Variants in PTPRO observed in about 807,000 individuals in gnomAD.
PTPRO encodes receptor-type tyrosine-protein phosphatase O.
In PTPRO, 62 loss-of-function variants were observed where a neutral mutation model predicts 145.2. That is an observed-to-expected ratio of 0.43 (90% CI 0.35 to 0.53). The LOEUF is 0.53. Ranked by LOEUF, PTPRO falls within the 20% of genes least tolerant of loss-of-function variation. The pLI is 0.01. For synonymous variants in PTPRO, 565 were observed against 514.7 expected, an observed-to-expected ratio of 1.10 and a Z score of -1.32; for missense variants, 1,345 against 1,482.7, an observed-to-expected ratio of 0.91 and a Z score of 1.53.
intron 9 of PTPRO, among the ~76,000 whole-genome samples, chr12:15,518,605 C>T (rs1188646451): frequency 6.6e-6 from 1 of 152,192 alleles, no homozygotes; most frequent in African/African-American, 2.4e-5. Context: ...AACTGAATGC[C>T]TTTAACAGCA....
intron 1 of PTPRO, among the ~76,000 whole-genome samples, chr12:15,462,591 T>C (rs1189715960): frequency 6.6e-6 from 1 of 152,234 alleles, no homozygotes; most frequent in East Asian, 1.9e-4. Context: ...ACAATCATGT[T>C]CTTGTAGATA....
At chr12:15,485,884 T>C (rs1286573098) in intron 2 of PTPRO, among the ~76,000 whole-genome samples, 1 of 152,192 alleles carries the variant, frequency 6.6e-6, no homozygotes, top group Non-Finnish European at 1.5e-5. Flanking sequence ...TTTGCAGACA[T>C]CTTTTTTCAC....
At chr12:15,517,008 T>G in intron 9 of PTPRO, 52 bp downstream of exon 9, 1 of 1,447,228 alleles carries the variant, frequency 6.9e-7, no homozygotes, top group Non-Finnish European at 9.7e-7. Context: ...CAGGCAAACC[T>G]TTATGTACCA....
intron 8 of PTPRO, 35 bp from the exon 9 acceptor site, chr12:15,516,728 C>CT: frequency 6.5e-7 from 1 of 1,547,770 alleles, no homozygotes; most frequent in Non-Finnish European, 8.9e-7. Context: ...TCCTTCTTAA[C>CT]TTTCTTTTTC....
chr12:15,545,882 A>T (rs1183427309), intron 12 of PTPRO, among the ~76,000 whole-genome samples: 1 of 151,962 alleles, frequency 6.6e-6, no homozygotes, highest in Non-Finnish European at 1.5e-5. Context: ...AAAAATGCAA[A>T]AATAAGCCAG....
At chr12:15,463,026 A>G (rs1431194625) in intron 1 of PTPRO, among the ~76,000 whole-genome samples, 3 of 152,164 alleles carry the variant, frequency 2.0e-5, no homozygotes, top group Admixed American at 2.0e-4. Flanking sequence ...TTATGCACCA[A>G]TATATTTGCA....
rs755499017 is a variant in PTPRO, at chr12:15,569,420, G to A, written c.2751G>A (p.Pro917=). Residue 917 remains proline (P), a synonymous_variant, in exon 19 of 27, where the codon CCG becomes CCA. Transcript: ENST00000281171. ...TATTTCTTTGTGTTTGGCAAAGCCC[G>A]GTTCAACTGGATGACTTTGATGCCT... ...NGLKKRKLTN[P]VQLDDFDAYI... is the part of the protein sequence containing the mutation. 141 of 1,612,132 alleles carry A rather than the reference G, an allele frequency of 8.7e-5. No individual in the cohort carries two copies. Among genetic ancestry groups the A allele is most frequent in the East Asian group, 5.6e-4 (25 of 44,856 alleles).
intron 1 of PTPRO, chr12:15,346,715 G>A (rs896034792): frequency 6.6e-6 from 1 of 152,224 alleles, no homozygotes; most frequent in Non-Finnish European, 1.5e-5. Context: ...CTGTCATGAG[G>A]ATAGGGAGAC....
At chr12:15,389,563 C>T (rs1215828933) in intron 1 of PTPRO, among the ~76,000 whole-genome samples, 1 of 152,244 alleles carries the variant, frequency 6.6e-6, no homozygotes, top group African/African-American at 2.4e-5. Context: ...ACCATGTTCC[C>T]CACATATTGC....
At chr12:15,336,098 C>T (rs775200420) in intron 1 of PTPRO, among the ~76,000 whole-genome samples, 5 of 152,046 alleles carry the variant, frequency 3.3e-5, no homozygotes, top group Admixed American at 6.6e-5. Context: ...ATGTTCACAG[C>T]GGAAAATGTA....
chr12:15,385,811 C>CAAA (rs761750012), intron 1 of PTPRO, among the ~76,000 whole-genome samples: 833 of 33,044 alleles, frequency 0.025, no homozygotes, highest in Non-Finnish European at 0.039. Flanking sequence ...GACTCCATCT[C>CAAA]AAAAAAAAAA....
intron 1 of PTPRO, among the ~76,000 whole-genome samples, chr12:15,439,298 G>A (rs1485010774): frequency 3.3e-5 from 5 of 152,120 alleles, no homozygotes; most frequent in African/African-American, 9.7e-5. Flanking sequence ...ATGAAAGAAC[G>A]ATACCTGTAA....
intron 1 of PTPRO, among the ~76,000 whole-genome samples, chr12:15,400,051 C>CA (rs36062333): frequency 8.7e-3 from 468 of 53,840 alleles, no homozygotes; most frequent in Middle Eastern, 0.025. Context: ...ACTCTTGTCT[C>CA]AAAAAAAAAA....
At chr12:15,520,523 C>G (rs957349826) in intron 10 of PTPRO, among the ~76,000 whole-genome samples, 2 of 152,078 alleles carry the variant, frequency 1.3e-5, no homozygotes, top group Non-Finnish European at 2.9e-5. Flanking sequence ...GTGTTACCAC[C>G]GTTGACTTAT....
At chr12:15,498,838 T>A (rs1942160666) in intron 3 of PTPRO, among the ~76,000 whole-genome samples, 1 of 152,200 alleles carries the variant, frequency 6.6e-6, no homozygotes, top group African/African-American at 2.4e-5. Flanking sequence ...TTTTTCAAAC[T>A]ATTTTTAGAT....
chr12:15,592,299 A>T (rs1333004159), intron 25 of PTPRO, among the ~76,000 whole-genome samples: 1 of 152,188 alleles, frequency 6.6e-6, no homozygotes, highest in African/African-American at 2.4e-5. Context: ...CACATGTATC[A>T]TCCTAGAGTA....
At chr12:15,389,789 T>G (rs1939138503) in intron 1 of PTPRO, among the ~76,000 whole-genome samples, 1 of 152,204 alleles carries the variant, frequency 6.6e-6, no homozygotes, top group Non-Finnish European at 1.5e-5. Context: ...TGTTTCTTAT[T>G]AACACAATCA....
At chr12:15,362,229 G>A (rs2136245368) in intron 1 of PTPRO, among the ~76,000 whole-genome samples, 1 of 152,254 alleles carries the variant, frequency 6.6e-6, no homozygotes, top group South Asian at 2.1e-4. Flanking sequence ...CAGGACTCTG[G>A]ATTCACCAGG....
At chr12:15,536,047 C>CT (rs200130800) in intron 12 of PTPRO, among the ~76,000 whole-genome samples, 4 of 150,384 alleles carry the variant, frequency 2.7e-5, no homozygotes, top group African/African-American at 4.9e-5. Flanking sequence ...AGGTCTTATA[C>CT]TTTTTTAAAA....
Sources: allele counts gnomAD v4.1 joint callset (sites outside exome capture counted in the v4.1 genomes callset), GRCh38; gene constraint gnomAD v4.1.1; transcripts MANE v1.5; gene names NCBI Gene and HGNC (gene_info 2026-07-23, HGNC 2026-07-21).